The following BRINP1 variants were observed in gnomAD, a reference collection of about 807,000 sequenced individuals.
BRINP1 encodes the protein BMP/retinoic acid inducible neural specific 1, also known as BMP/retinoic acid-inducible neural-specific protein 1.
BRINP1 carries 17 observed loss-of-function variants against 72.9 expected under a neutral mutation model. The observed-to-expected ratio is 0.23, with a 90% CI of 0.16 to 0.35. The LOEUF (loss-of-function observed/expected upper bound fraction) is 0.35. Ranked by LOEUF, BRINP1 falls within the 10% of genes least tolerant of loss-of-function variation. The pLI is 1.00. For missense variants in BRINP1, 850 were observed against 1,001.6 expected (o/e 0.85, Z 2.04); for synonymous variants, 418 against 378.5 (o/e 1.10, Z -1.21).
chr9:119,349,531 G>C (rs945608181), intron 1 of BRINP1, among the ~76,000 whole-genome samples: 8 of 152,184 alleles, frequency 5.3e-5, no homozygotes, highest in African/African-American at 1.4e-4. Flanking sequence ...CGGTACACTT[G>C]TAACAATAAA....
chr9:119,322,154 T>C (rs1366850869), intron 1 of BRINP1, among the ~76,000 whole-genome samples: 1 of 152,240 alleles, frequency 6.6e-6, no homozygotes, highest in Non-Finnish European at 1.5e-5. Context: ...TCTACTACTA[T>C]GCATTTCAGA....
chr9:119,322,049 A>G (rs1281277162), intron 1 of BRINP1, among the ~76,000 whole-genome samples: 1 of 152,156 alleles, frequency 6.6e-6, no homozygotes, highest in East Asian at 1.9e-4. Context: ...TGCCTCCAAA[A>G]TCAACAAATT....
At chr9:119,193,146 A>C (rs1431718813) in intron 7 of BRINP1, among the ~76,000 whole-genome samples, 8 of 152,062 alleles carry the variant, frequency 5.3e-5, no homozygotes, top group Non-Finnish European at 1.5e-5. Context: ...ATTTTATTAA[A>C]ATTTTTTTTA....
At chr9:119,269,480 G>A (rs754726666) in intron 2 of BRINP1, among the ~76,000 whole-genome samples, 23 of 152,012 alleles carry the variant, frequency 1.5e-4, no homozygotes, top group Non-Finnish European at 3.2e-4. Context: ...ATCCCCTGCT[G>A]GTCACTCTTA....
chr9:119,296,453 T>G (rs1043552891), intron 2 of BRINP1, among the ~76,000 whole-genome samples: 3 of 152,190 alleles, frequency 2.0e-5, no homozygotes, highest in African/African-American at 7.2e-5. Flanking sequence ...ACAAACAGTA[T>G]GGAAGTTCTT....
At chr9:119,210,435 T>C (rs968137558) in intron 6 of BRINP1, among the ~76,000 whole-genome samples, 2 of 152,186 alleles carry the variant, frequency 1.3e-5, no homozygotes, top group African/African-American at 2.4e-5. Flanking sequence ...TCACCTAACA[T>C]ATATAACCAT....
rs113453127 is a variant in BRINP1, at chr9:119,351,920, C to T, written c.-51+17136G>A. ...AAACCTCCGCCTCCTGGGTTCAAGC[C>T]TCAGCCTCCTGAGTAGCTGGGATTA... On this transcript the variant is annotated intron_variant, in intron 1 of 7. Coordinates refer to ENST00000265922, the MANE Select transcript of BRINP1 (RefSeq NM_014618.3). Among the ~76,000 whole-genome samples, 32 of 151,938 alleles carry T rather than the reference C, an allele frequency of 2.1e-4. No individual in the cohort carries two copies. The South Asian group carries it at 5.2e-3, about 25-fold the overall frequency.
intron 1 of BRINP1, among the ~76,000 whole-genome samples, chr9:119,351,737 A>G (rs1022047398): frequency 6.6e-6 from 1 of 152,216 alleles, no homozygotes; most frequent in Admixed American, 6.5e-5. Context: ...ATGAATAATT[A>G]TAGTAGGAAA....
chr9:119,225,321 G>C (rs1046885903), intron 5 of BRINP1, among the ~76,000 whole-genome samples: 1 of 151,942 alleles, frequency 6.6e-6, no homozygotes, highest in Non-Finnish European at 1.5e-5. Flanking sequence ...TTGAAATACA[G>C]TTATCCCTTG....
chr9:119,311,842 G>A (rs1831072270), intron 2 of BRINP1, among the ~76,000 whole-genome samples: 1 of 152,192 alleles, frequency 6.6e-6, no homozygotes, highest in African/African-American at 2.4e-5. Context: ...AGCTATACCA[G>A]GGGAGGCATC....
intron 6 of BRINP1, 163 bp downstream of exon 6, chr9:119,213,756 C>A: frequency 1.5e-6 from 1 of 675,196 alleles, no homozygotes; most frequent in Non-Finnish European, 2.7e-6. Flanking sequence ...TTATTGAGTG[C>A]CTGCTCTGTG....
Position 119,168,005 on chromosome 9 carries a change from C to T in BRINP1, c.1365G>A (p.Lys455=), listed in dbSNP as rs2118812933. Residue 455 remains lysine, a synonymous_variant, in exon 8 of 8, where the codon AAG becomes AAA. Coordinates refer to ENST00000265922, the MANE Select transcript of BRINP1 (RefSeq NM_014618.3). Reference sequence around the variant, plus strand: ...GTGGTTCACAGCGGCCTCGATACAGCTTGTAGCCCTTGTTGCAGGAGCCGC... The same window carrying T: ...GTGGTTCACAGCGGCCTCGATACAGTTTGTAGCCCTTGTTGCAGGAGCCGC... ...SLCGSCNKGY[K]LYRGRCEPQN... is the part of the protein sequence containing the mutation. 6.2e-6 allele frequency: 10 copies of T among 1,613,816 alleles called. No individual in the cohort carries two copies. Among genetic ancestry groups the T allele is most frequent in the Non-Finnish European group, 8.5e-6 (10 of 1,179,706 alleles).
intron 5 of BRINP1, among the ~76,000 whole-genome samples, chr9:119,232,708 A>G (rs1181359625): frequency 6.6e-6 from 1 of 152,136 alleles, no homozygotes; most frequent in Non-Finnish European, 1.5e-5. Context: ...TGTATGAAAG[A>G]ATAAATTTCT....
chr9:119,187,719 A>T (rs1157983458), intron 7 of BRINP1, among the ~76,000 whole-genome samples: 1 of 152,210 alleles, frequency 6.6e-6, no homozygotes, highest in Non-Finnish European at 1.5e-5. Flanking sequence ...ATCCTCCAAA[A>T]TGGAAACTGT....
intron 2 of BRINP1, among the ~76,000 whole-genome samples, chr9:119,255,080 TA>T (rs200826095): frequency 3.3e-5 from 5 of 152,082 alleles, no homozygotes; most frequent in African/African-American, 9.6e-5. Flanking sequence ...CATGCCACCT[TA>T]AAAAAAATAA....
chr9:119,258,310 A>C (rs928981470), intron 2 of BRINP1, among the ~76,000 whole-genome samples: 3 of 152,220 alleles, frequency 2.0e-5, no homozygotes, highest in Non-Finnish European at 2.9e-5. Context: ...AAACACAACA[A>C]GCACACTTGG....
chr9:119,231,204 T>C (rs1830146392), intron 5 of BRINP1, among the ~76,000 whole-genome samples: 1 of 151,996 alleles, frequency 6.6e-6, no homozygotes, highest in South Asian at 2.1e-4. Flanking sequence ...AATCAAGAAA[T>C]AAAGATCAAG....
rs1444554523 is a variant in BRINP1, at chr9:119,167,851, T to C, written c.1519A>G (p.Ser507Gly). ...SRLYVHTTFI[S>G]NEIRLDTFFD... The stretch of plus-strand genomic sequence containing the variant: ...AAGGTGTCGAGGCGGATCTCGTTGC[T>C]GATGAAGGTGGTGTGGACGTAGAGG... Residue 507 changes from serine to glycine, a missense_variant, in exon 8 of 8, where the codon AGC becomes GGC. Ser to Gly is a moderately conservative substitution (Grantham distance 56). Transcript: ENST00000265922. The surrounding 1 kb of genome is among the most constrained non-coding windows in gnomAD (Gnocchi z 4.3). 2.5e-6 allele frequency: 4 copies of C among 1,613,992 alleles called. No individual in the cohort carries two copies. Among genetic ancestry groups the C allele is most frequent in the Non-Finnish European group, 3.4e-6 (4 of 1,180,028 alleles).
intron 1 of BRINP1, among the ~76,000 whole-genome samples, chr9:119,325,895 T>G (rs780610919): frequency 1.3e-5 from 2 of 152,184 alleles, no homozygotes; most frequent in Non-Finnish European, 2.9e-5. Flanking sequence ...TTGCACCAAC[T>G]GAACACACTG....
Sources: gnomAD v4.1 joint callset for allele counts (sites outside exome capture counted in the v4.1 genomes callset) on GRCh38, gnomAD v4.1.1 for gene constraint, Gnocchi (gnomAD v3.1) non-coding constraint, MANE v1.5 for transcripts, NCBI Gene and HGNC (gene_info 2026-07-23, HGNC 2026-07-21) for gene names.